Variants in CYFIP2 observed in about 807,000 individuals in gnomAD.
The protein encoded by CYFIP2 is cytoplasmic FMR1 interacting protein 2.
In CYFIP2, 29 loss-of-function variants were observed where a neutral mutation model predicts 158.7. The observed-to-expected ratio is 0.18, with a 90% CI of 0.14 to 0.25. The LOEUF is 0.25. Among genes scored for constraint, CYFIP2 ranks in the 10% least tolerant of loss-of-function variants. The probability of loss-of-function intolerance (pLI) is 1.00; values close to 1 mark genes in which losing one functional copy is unlikely to be tolerated. For missense variants in CYFIP2, 852 were observed against 1,639.5 expected (o/e 0.52, Z 8.29); for synonymous variants, 585 against 617.6 (o/e 0.95, Z 0.78).
At position 157,311,164 on chromosome 5, in the gene CYFIP2, C is replaced by T; in HGVS notation, c.993-500C>T. 1 of 448,888 alleles carries T rather than the reference C, an allele frequency of 2.2e-6. No individual in the cohort carries two copies. The highest frequency in any genetic ancestry group is 6.3e-4 in the Middle Eastern group (1 of 1,588). 27.8% of individuals were successfully genotyped at this position (448,888 alleles called of 1,614,324 possible). A position where few individuals can be genotyped will look rare whatever the true frequency, so the allele number is the denominator to read the frequency against. On this transcript the variant is annotated intron_variant, in intron 10 of 30. Coordinates refer to ENST00000620254, the MANE Select transcript of CYFIP2 (RefSeq NM_001037333.3). This position sits in a 1 kb window ranked among gnomAD's most constrained non-coding sequence, Gnocchi z 4.7. ...AGAGTGGCCCTGGCTTCTCCCACCA[C>T]AGTGTGCTTCCATGTTGCCAGGGCA...
chr5:157,294,746 C>G (rs1758112821), intron 3 of CYFIP2, 37 bp from the exon 4 acceptor site: 3 of 1,600,570 alleles, frequency 1.9e-6, no homozygotes, highest in Non-Finnish European at 2.6e-6. Flanking sequence ...TGGCACCCGT[C>G]TTGTTCCTCC....
chr5:157,330,752 G>C lies in CYFIP2; in HGVS notation c.2167G>C (p.Asp723His). ...YKAMAGSVLL[D>H]KRFRAECKNY... Reference sequence around the variant, plus strand: ...TTTTATTCCTTGCAGTGTCCTGTTGGATAAACGTTTTCGAGCTGAGTGTAA... The same window carrying C: ...TTTTATTCCTTGCAGTGTCCTGTTGCATAAACGTTTTCGAGCTGAGTGTAA... Residue 723 changes from aspartate to histidine, a missense_variant, in exon 20 of 31, where the codon GAT becomes CAT. Transcript: ENST00000620254. 6.2e-7 allele frequency: 1 copy of C among 1,613,892 alleles called. No homozygotes were observed. Among genetic ancestry groups the C allele is most frequent in the Non-Finnish European group, 8.5e-7 (1 of 1,179,820 alleles).
At chr5:157,375,136 G>C (rs4629578) in intron 26 of CYFIP2, among the ~76,000 whole-genome samples, 112,966 of 152,170 alleles carry the variant, frequency 0.74, 42,338 homozygotes, top group East Asian at 0.98. Context: ...TAAGACTTAT[G>C]AAGTAGAACA....
intron 5 of CYFIP2, among the ~76,000 whole-genome samples, chr5:157,297,766 A>T (rs1231810350): frequency 6.6e-6 from 1 of 152,248 alleles, no homozygotes; most frequent in East Asian, 1.9e-4. Context: ...CATGAAAAAC[A>T]TAAAGATTAA....
At position 157,390,271 on chromosome 5, in the gene CYFIP2, A is replaced by ATT. The variant is rs59915963; in HGVS notation, c.3447-237_3447-236dup. ...CAAATTCAGAGCGTCTTTAGAGCTGATTTTTTTTTTTTTTACATTAGTGAT... is the reference window on the plus strand; with the variant it reads ...CAAATTCAGAGCGTCTTTAGAGCTGATTTTTTTTTTTTTTTTACATTAGTGAT... On this transcript the variant is annotated intron_variant, in intron 29 of 30. Transcript: ENST00000620254. Among the ~76,000 whole-genome samples, 89 of 148,680 alleles carry ATT rather than the reference A, an allele frequency of 6.0e-4. 1 individual carries two copies. Among genetic ancestry groups the ATT allele is most frequent in the African/African-American group, 1.4e-3 (56 of 40,498 alleles).
intron 30 of CYFIP2, among the ~76,000 whole-genome samples, chr5:157,391,352 T>G (rs1181664035): frequency 6.6e-6 from 1 of 152,204 alleles, no homozygotes; most frequent in African/African-American, 2.4e-5. Context: ...TTCAGTGGCA[T>G]GAAGTACACA....
At chr5:157,350,433 A>G (rs1762987933) in intron 23 of CYFIP2, among the ~76,000 whole-genome samples, 1 of 152,098 alleles carries the variant, frequency 6.6e-6, no homozygotes, top group South Asian at 2.1e-4. Flanking sequence ...GATCAGTTGG[A>G]TGTAAGTATT....
intron 26 of CYFIP2, among the ~76,000 whole-genome samples, chr5:157,369,532 T>C (rs1764768901): frequency 6.6e-6 from 1 of 152,190 alleles, no homozygotes; most frequent in Non-Finnish European, 1.5e-5. Context: ...ATCCTCAAGA[T>C]ACCACCATTT....
chr5:157,273,643 C>G (rs932296254), intron 1 of CYFIP2, among the ~76,000 whole-genome samples: 1 of 152,168 alleles, frequency 6.6e-6, no homozygotes, highest in African/African-American at 2.4e-5. Flanking sequence ...GGTTTTTGCT[C>G]TCCACAGCCT....
chr5:157,314,658 A>C (rs981487530), intron 12 of CYFIP2, among the ~76,000 whole-genome samples, 195 bp downstream of exon 12: 1 of 152,186 alleles, frequency 6.6e-6, no homozygotes, highest in Non-Finnish European at 1.5e-5. Flanking sequence ...CAAATTTAGA[A>C]CATTTTCTTG....
chr5:157,314,451 C>T lies in CYFIP2; in HGVS notation c.1218C>T (p.His406=), dbSNP rs1459779106. The change falls in exon 12 of 31, where the codon CAC becomes CAT. Residue 406 remains histidine (H), a synonymous_variant. Transcript: ENST00000620254. ...AGCTTCTATCCAAGTGGAGCGCCCA[C>T]GTCATGGAGGTGGTAGGTGTCTCTG... ...GLQLLSKWSA[H]VMEVYSWKLV... The T allele has an allele frequency of 7.4e-6, 12 of 1,613,562 alleles. No individual in the cohort carries two copies. Among genetic ancestry groups the T allele is most frequent in the African/African-American group, 2.7e-5 (2 of 74,892 alleles).
At chr5:157,326,000 G>C in intron 17 of CYFIP2, 171 bp from the exon 18 acceptor site, 1 of 604,730 alleles carries the variant, frequency 1.7e-6, no homozygotes. Flanking sequence ...TCTTTGGACT[G>C]ACTGTAAAGT....
At chr5:157,270,653 T>C (rs1445971373) in intron 1 of CYFIP2, among the ~76,000 whole-genome samples, 1 of 152,214 alleles carries the variant, frequency 6.6e-6, no homozygotes, top group Non-Finnish European at 1.5e-5. Context: ...TACTTCCATA[T>C]GGGAAAGAGA....
chr5:157,330,659 A>C, intron 19 of CYFIP2, 83 bp from the exon 20 acceptor site: 1 of 1,043,630 alleles, frequency 9.6e-7, no homozygotes, highest in East Asian at 2.4e-5. Context: ...GGTAGATCCT[A>C]TGATCTGAAA....
chr5:157,377,409 C>T (rs943551893), intron 26 of CYFIP2, among the ~76,000 whole-genome samples: 7 of 152,106 alleles, frequency 4.6e-5, no homozygotes, highest in Admixed American at 2.0e-4. Flanking sequence ...CCAACACTCA[C>T]CCCTGGTTCA....
intron 21 of CYFIP2, among the ~76,000 whole-genome samples, chr5:157,335,370 AGGGTTCAAGCAATTCTCCT>A (rs1015719461): frequency 3.9e-5 from 6 of 152,048 alleles, no homozygotes; most frequent in Non-Finnish European, 8.8e-5. Flanking sequence ...CTCTGCCTCC[AGGGTTCAAGCAATTCTCCT>A]GCCTCAGCCT....
rs532181901 is a variant in CYFIP2, at chr5:157,304,107, C to G, written c.667-131C>G. ...TCAGGTGCCAGCTGGCATGCAGCCTCGCCTCCCTGGAGCTGTGATTCCTGG... is the reference window on the plus strand; with the variant it reads ...TCAGGTGCCAGCTGGCATGCAGCCTGGCCTCCCTGGAGCTGTGATTCCTGG... On this transcript the variant is annotated intron_variant, in intron 7 of 30. Transcript: ENST00000620254. 1.1e-3 allele frequency: 1,254 copies of G among 1,187,758 alleles called. 2 individuals carry two copies. Among genetic ancestry groups the G allele is most frequent in the Non-Finnish European group, 1.3e-3 (1,108 of 857,156 alleles). The allele number at this position is 1,187,758 out of a possible 1,614,324, so 73.6% of individuals were successfully genotyped here. A position where few individuals can be genotyped will look rare whatever the true frequency, so the allele number is the denominator to read the frequency against.
At chr5:157,359,189 G>A (rs768596585) in intron 24 of CYFIP2, 41 bp downstream of exon 24, 3 of 1,606,380 alleles carry the variant, frequency 1.9e-6, no homozygotes, top group Admixed American at 1.7e-5. Flanking sequence ...ATGCCCATGT[G>A]GGTTTGACAT....
intron 26 of CYFIP2, among the ~76,000 whole-genome samples, chr5:157,372,684 A>G (rs182057662): frequency 6.6e-6 from 1 of 152,266 alleles, no homozygotes; most frequent in African/African-American, 2.4e-5. Context: ...CTAGCATCGA[A>G]CTTGGCTGTG....
Sources: allele counts gnomAD v4.1 joint callset (sites outside exome capture counted in the v4.1 genomes callset), GRCh38; gene constraint gnomAD v4.1.1; non-coding constraint Gnocchi (gnomAD v3.1); transcripts MANE v1.5; gene names NCBI Gene and HGNC (gene_info 2026-07-23, HGNC 2026-07-21).